SYDE2: variants seen among roughly 807,000 people sequenced by gnomAD.
SYDE2 encodes the protein synapse defective Rho GTPase homolog 2, also known as rho GTPase-activating protein SYDE2.
Under a neutral mutation model 91.5 loss-of-function variants are expected in SYDE2, and 76 were observed. That is an observed-to-expected ratio of 0.83 (90% confidence interval 0.69 to 1.01). SYDE2 has a LOEUF of 1.01. Ranked by LOEUF, SYDE2 falls within the 50% of genes least tolerant of loss-of-function variation. The pLI is 0.00. For missense variants in SYDE2, 1,364 were observed against 1,367.7 expected (o/e 1.00, Z 0.04); for synonymous variants, 513 against 506.4 (o/e 1.01, Z -0.18).
intron 1 of SYDE2, among the ~76,000 whole-genome samples, chr1:85,198,598 T>C (rs1399207685): frequency 6.7e-6 from 1 of 149,912 alleles, no homozygotes; most frequent in African/African-American, 2.5e-5. Context: ...AGCAGTTTCA[T>C]TTAATTAGTT....
At chr1:85,197,905 C>T (rs1487404877) in intron 1 of SYDE2, among the ~76,000 whole-genome samples, 3 of 152,260 alleles carry the variant, frequency 2.0e-5, no homozygotes, top group South Asian at 2.1e-4. Flanking sequence ...CCGCCCGCCT[C>T]GGCCTCCCAA....
At chr1:85,183,369 T>C (rs956830576) in intron 2 of SYDE2, among the ~76,000 whole-genome samples, 169 bp from the exon 3 acceptor site, 3 of 152,068 alleles carry the variant, frequency 2.0e-5, no homozygotes, top group African/African-American at 7.2e-5. Flanking sequence ...TCCATCATGA[T>C]ATTCAAGCAG....
chr1:85,190,664 T>G lies in SYDE2; in HGVS notation c.834A>C (p.Pro278=). The change falls in exon 2 of 7, where the codon CCA becomes CCC. Residue 278 remains proline (P), a synonymous_variant. Transcript: ENST00000341460. The part of the protein sequence containing the change: ...KDNIEFRGHK[P]LNSITVSKKR... ...TCTTTGAAACAGTGATGCTGTTAAGTGGCTTATGACCTCTGAATTCAATAT... is the reference window on the plus strand; with the variant it reads ...TCTTTGAAACAGTGATGCTGTTAAGGGGCTTATGACCTCTGAATTCAATAT... The G allele has an allele frequency of 3.1e-6, 5 of 1,613,936 alleles. No homozygotes were observed. The highest frequency in any genetic ancestry group is 4.2e-6 in the Non-Finnish European group (5 of 1,179,868).
chr1:85,187,580 G>A (rs1337570842), intron 2 of SYDE2, among the ~76,000 whole-genome samples: 11 of 149,816 alleles, frequency 7.3e-5, no homozygotes, highest in Admixed American at 2.7e-4. Flanking sequence ...TGTTTATTGC[G>A]GCACTATTCA....
chr1:85,187,751 T>C (rs1288143801), intron 2 of SYDE2, among the ~76,000 whole-genome samples: 2 of 151,314 alleles, frequency 1.3e-5, no homozygotes, highest in African/African-American at 4.9e-5. Context: ...TCATTCTCAG[T>C]AAACTATCTC....
intron 6 of SYDE2, among the ~76,000 whole-genome samples, chr1:85,163,872 A>G (rs1657165236): frequency 6.6e-6 from 1 of 152,172 alleles, no homozygotes; most frequent in Non-Finnish European, 1.5e-5. Flanking sequence ...TTAACTCTGA[A>G]ATTACATCAG....
At chr1:85,194,718 CAGT>C (rs1256400958) in intron 1 of SYDE2, 3 of 570,986 alleles carry the variant, frequency 5.3e-6, no homozygotes, top group South Asian at 1.5e-4. Context: ...ATATTCCACA[CAGT>C]GGTGAACTAC....
At chr1:85,199,551 T>C (rs1557761929) in intron 1 of SYDE2, among the ~76,000 whole-genome samples, 1 of 152,182 alleles carries the variant, frequency 6.6e-6, no homozygotes, top group African/African-American at 2.4e-5. Context: ...CAAAACTACC[T>C]GAGGAACATT....
At chr1:85,163,689 G>A (rs1657160239) in intron 6 of SYDE2, among the ~76,000 whole-genome samples, 1 of 151,722 alleles carries the variant, frequency 6.6e-6, no homozygotes, top group African/African-American at 2.4e-5. Flanking sequence ...ACCCAAACCT[G>A]ACCCCGGGGC....
At chr1:85,173,120 A>G (rs1256484618) in intron 4 of SYDE2, among the ~76,000 whole-genome samples, 1 of 152,118 alleles carries the variant, frequency 6.6e-6, no homozygotes, top group Non-Finnish European at 1.5e-5. Flanking sequence ...CCTTATTTGG[A>G]AAGAGTCTTT....
At chr1:85,172,673 G>A (rs1192325375) in intron 4 of SYDE2, among the ~76,000 whole-genome samples, 2 of 152,144 alleles carry the variant, frequency 1.3e-5, no homozygotes, top group African/African-American at 4.8e-5. Context: ...AACAACCACA[G>A]CTTATTGCCT....
intron 2 of SYDE2, among the ~76,000 whole-genome samples, chr1:85,184,829 G>T (rs936130279): frequency 6.6e-6 from 1 of 150,968 alleles, no homozygotes; most frequent in Non-Finnish European, 1.5e-5. Flanking sequence ...ACAGTGAGCC[G>T]TGATTGTGCC....
At chr1:85,173,060 C>T (rs976188847) in intron 4 of SYDE2, among the ~76,000 whole-genome samples, 3 of 152,012 alleles carry the variant, frequency 2.0e-5, no homozygotes, top group African/African-American at 7.2e-5. Context: ...CCACCCCCAA[C>T]CAAAAATAAA....
rs1658319203 is a variant in SYDE2 at position 85,190,395 on chromosome 1, CCTT to C, written c.1100_1102del (p.Glu367del). On this transcript the variant is annotated inframe_deletion, in exon 2 of 7. Coordinates refer to ENST00000341460, the MANE Select transcript of SYDE2 (RefSeq NM_032184.2). ...AGGAATGGGATTGTACCATATTTCT[CCTT>C]CATCATCTGCATCATTTTCCTCATT... The C allele has an allele frequency of 1.9e-6, 3 of 1,613,856 alleles. No individual in the cohort carries two copies. The highest frequency in any genetic ancestry group is 1.7e-6 in the Non-Finnish European group (2 of 1,179,818).
rs74980814 is a variant in SYDE2 at position 85,158,978 on chromosome 1, A to G, written c.3357T>C (p.Asp1119=). The G allele has an allele frequency of 0.03, 23,578 of 780,334 alleles. 1,177 individuals carry two copies. The highest frequency in any genetic ancestry group is 0.18 in the African/African-American group (10,763 of 59,110). The allele number at this position is 780,334 out of a possible 1,614,324, so 48.3% of individuals were successfully genotyped here. A position where few individuals can be genotyped will look rare whatever the true frequency, so the allele number is the denominator to read the frequency against. ...DVDYDDVPSE[D]RKIGENYSKM... ...TGCTATAATTTTCTCCGATTTTTCT[A>G]TCTTCTGAAGGGACATCATCATAAT... Residue 1119 remains aspartate, a synonymous_variant, in exon 7 of 7, where the codon GAT becomes GAC. Transcript: ENST00000341460.
At chr1:85,160,232 T>C in intron 6 of SYDE2, 3 of 969,438 alleles carry the variant, frequency 3.1e-6, no homozygotes, top group Non-Finnish European at 3.7e-6. Context: ...CTCCAATATA[T>C]AATGAATGCT....
At chr1:85,191,060 A>C (rs1271212491) in intron 1 of SYDE2, among the ~76,000 whole-genome samples, 1 of 152,114 alleles carries the variant, frequency 6.6e-6, no homozygotes, top group Non-Finnish European at 1.5e-5. Flanking sequence ...ACCTTATAAA[A>C]AGTTTATCTA....
Position 85,179,085 on chromosome 1 carries a change from A to G in SYDE2, c.2545-813T>C, listed in dbSNP as rs571897413. On this transcript the variant is annotated intron_variant, in intron 3 of 6. Transcript: ENST00000341460. ...AGAAAACACGCCTGATTAAGCTATC[A>G]AAGTTCTTTGAAAGAATAAAACTTC... 7.9e-5 allele frequency among the ~76,000 whole-genome samples: 12 copies of G among 152,300 alleles called. No individual in the cohort carries two copies. The East Asian group carries it at 2.1e-3, about 27-fold the overall frequency.
chr1:85,190,403 A>T lies in SYDE2; in HGVS notation c.1095T>A (p.Asp365Glu). The T allele has an allele frequency of 6.2e-7, 1 of 1,613,850 alleles. No individual in the cohort carries two copies. The highest frequency in any genetic ancestry group is 1.1e-5 in the South Asian group (1 of 91,054). Reference protein sequence around the residue: ...ALDFNEENDADDEGEIWYNPI... With the variant: ...ALDFNEENDAEDEGEIWYNPI... Reference sequence around the variant, plus strand: ...GATTGTACCATATTTCTCCTTCATCATCTGCATCATTTTCCTCATTAAAAT... The same window carrying T: ...GATTGTACCATATTTCTCCTTCATCTTCTGCATCATTTTCCTCATTAAAAT... Residue 365 changes from aspartate (D) to glutamate (E), a missense_variant, in exon 2 of 7, where the codon GAT becomes GAA. Asp to Glu is a conservative substitution (Grantham distance 45, BLOSUM62 2). Transcript: ENST00000341460.
Sources: gnomAD v4.1 joint callset for allele counts (sites outside exome capture counted in the v4.1 genomes callset) on GRCh38, gnomAD v4.1.1 for gene constraint, MANE v1.5 for transcripts, NCBI Gene and HGNC (gene_info 2026-07-23, HGNC 2026-07-21) for gene names.